Variants in GTF2A1L observed in about 807,000 individuals in gnomAD.
GTF2A1L encodes TFIIA-alpha and beta-like factor.
Under a neutral mutation model 49.7 loss-of-function variants are expected in GTF2A1L, and 48 were observed. That is an observed-to-expected ratio of 0.97 (90% CI 0.77 to 1.23). The LOEUF (loss-of-function observed/expected upper bound fraction) is 1.23. Among genes scored for constraint, GTF2A1L ranks in the 50% most tolerant of loss-of-function variants. The pLI is 0.00. For synonymous variants in GTF2A1L, 246 were observed against 193.5 expected (o/e 1.27, Z -2.25); for missense variants, 736 against 564.8 (o/e 1.30, Z -3.07).
At chr2:48,643,229 C>T (rs138858674) in intron 4 of GTF2A1L, among the ~76,000 whole-genome samples, 1 of 152,068 alleles carries the variant, frequency 6.6e-6, no homozygotes, top group African/African-American at 2.4e-5. Context: ...ATATTTTCCC[C>T]CTTAGTACTT....
intron 3 of GTF2A1L, among the ~76,000 whole-genome samples, chr2:48,641,665 T>C (rs562898974): frequency 6.6e-6 from 1 of 151,222 alleles, no homozygotes; most frequent in South Asian, 2.1e-4. Context: ...ACTGTAGTTA[T>C]TATTTTTTCT....
chr2:48,679,463 C>T lies in GTF2A1L; in HGVS notation c.*21C>T, dbSNP rs758935433. ...GGTAAACCTTGTGAGCTCAGTACAT[C>T]TATTTTGTGAACATCAGTTGGATTA... On this transcript the variant is annotated 3_prime_UTR_variant, in exon 9 of 9. Transcript: ENST00000403751. The T allele has an allele frequency of 3.7e-6, 6 of 1,610,466 alleles. No individual in the cohort carries two copies. The highest frequency in any genetic ancestry group is 5.1e-6 in the Non-Finnish European group (6 of 1,178,306).
At chr2:48,642,930 G>A (rs181325620) in intron 4 of GTF2A1L, among the ~76,000 whole-genome samples, 5 of 151,948 alleles carry the variant, frequency 3.3e-5, no homozygotes, top group Admixed American at 2.6e-4. Flanking sequence ...GTAATAAAAC[G>A]CAGAAGTTCC....
chr2:48,674,485 C>T (rs1679355956), intron 8 of GTF2A1L, among the ~76,000 whole-genome samples: 3 of 151,976 alleles, frequency 2.0e-5, no homozygotes, highest in African/African-American at 4.8e-5. Flanking sequence ...ACTTTCTCCA[C>T]TATAACATTT....
At chr2:48,677,585 C>T (rs1168835632) in intron 8 of GTF2A1L, among the ~76,000 whole-genome samples, 1 of 151,886 alleles carries the variant, frequency 6.6e-6, no homozygotes, top group African/African-American at 2.4e-5. Context: ...AGAGTTTCGA[C>T]AAGAGAAATG....
At chr2:48,661,313 T>C (rs1678487941) in intron 6 of GTF2A1L, among the ~76,000 whole-genome samples, 1 of 126,258 alleles carries the variant, frequency 7.9e-6, no homozygotes, top group African/African-American at 3.0e-5. Context: ...TGGAGTAGAG[T>C]GGCACAATCT....
intron 6 of GTF2A1L, among the ~76,000 whole-genome samples, chr2:48,657,804 G>A (rs1254960211): frequency 1.3e-5 from 2 of 150,904 alleles, no homozygotes; most frequent in Non-Finnish European, 2.9e-5. Flanking sequence ...ATTCTGACTT[G>A]TGTGAGATGA....
chr2:48,677,293 T>C (rs995931136), intron 8 of GTF2A1L, among the ~76,000 whole-genome samples: 1 of 151,992 alleles, frequency 6.6e-6, no homozygotes, highest in African/African-American at 2.4e-5. Flanking sequence ...GTTATTTTAA[T>C]GATGCTGGGG....
intron 3 of GTF2A1L, among the ~76,000 whole-genome samples, chr2:48,638,161 G>A (rs1211240916): frequency 6.6e-6 from 1 of 152,246 alleles, no homozygotes; most frequent in African/African-American, 2.4e-5. Context: ...ACGAAGAAGA[G>A]CTGCTACTAT....
Position 48,645,106 on chromosome 2 carries a change from A to G in GTF2A1L, c.377A>G (p.Gln126Arg), listed in dbSNP as rs1270323916. 4 of 1,609,884 alleles carry G rather than the reference A, an allele frequency of 2.5e-6. No homozygotes were observed. The Admixed American group carries it at 5.1e-5, about 20-fold the overall frequency. Residue 126 changes from glutamine to arginine, a missense_variant, in exon 5 of 9, where the codon CAG becomes CGG. Physicochemically the swap from Gln to Arg is conservative, Grantham distance 43. Transcript: ENST00000403751. ...PIHVPAGVTL[Q>R]TVSGHLYKVN... is the part of the protein sequence containing the mutation. Reference sequence around the variant, plus strand: ...CATGTACCAGCAGGTGTGACACTACAGACTGTATCTGGTGAGAGTATATTC... The same window carrying G: ...CATGTACCAGCAGGTGTGACACTACGGACTGTATCTGGTGAGAGTATATTC...
intron 6 of GTF2A1L, among the ~76,000 whole-genome samples, chr2:48,652,968 G>A (rs1381548025): frequency 4.0e-5 from 6 of 151,824 alleles, no homozygotes; most frequent in African/African-American, 1.2e-4. Flanking sequence ...GGTGGCTCAC[G>A]CCTGTAATCC....
intron 3 of GTF2A1L, among the ~76,000 whole-genome samples, chr2:48,622,748 C>T (rs1361773929): frequency 1.3e-5 from 2 of 151,162 alleles, no homozygotes; most frequent in Non-Finnish European, 2.9e-5. Context: ...GCAGGATAAT[C>T]ACTTGAACTT....
At chr2:48,618,886 A>G (rs1273626559) in intron 1 of GTF2A1L, among the ~76,000 whole-genome samples, 1 of 152,134 alleles carries the variant, frequency 6.6e-6, no homozygotes. Flanking sequence ...TTTCTGAAAA[A>G]CTGTGTTCTA....
In GTF2A1L at chr2:48,645,196, TAAAC is replaced by T. The variant is rs138273290; in HGVS notation, c.388+80_388+83del. On this transcript the variant is annotated intron_variant, in intron 5 of 8. Coordinates refer to ENST00000403751, the MANE Select transcript of GTF2A1L (RefSeq NM_006872.5). ...GACATTAAGCTTCATGATTTTTAAA[TAAAC>T]TATATACCAGAAGTTATAAGAACTT... The T allele has an allele frequency of 2.4e-6, 3 of 1,241,114 alleles. No individual in the cohort carries two copies. The African/African-American group carries it at 4.6e-5, about 19-fold the overall frequency. The allele number at this position is 1,241,114 out of a possible 1,614,324, so 76.9% of individuals were successfully genotyped here. A position where few individuals can be genotyped will look rare whatever the true frequency, so the allele number is the denominator to read the frequency against.
intron 3 of GTF2A1L, among the ~76,000 whole-genome samples, chr2:48,625,202 C>G (rs540536771): frequency 6.9e-6 from 1 of 144,038 alleles, no homozygotes; most frequent in African/African-American, 2.5e-5. Flanking sequence ...TTCCTTTCCT[C>G]TGTACTCTCA....
intron 6 of GTF2A1L, among the ~76,000 whole-genome samples, chr2:48,655,144 A>C (rs1678100595): frequency 6.6e-6 from 1 of 151,366 alleles, no homozygotes; most frequent in South Asian, 2.1e-4. Context: ...TTTTTTTTTT[A>C]ATTTAGGTTT....
At chr2:48,648,381 C>T (rs1225072151) in intron 6 of GTF2A1L, among the ~76,000 whole-genome samples, 1 of 151,952 alleles carries the variant, frequency 6.6e-6, no homozygotes, top group Non-Finnish European at 1.5e-5. Flanking sequence ...TACCTGGATT[C>T]TGTGTGAATT....
chr2:48,651,355 G>A (rs777058607), intron 6 of GTF2A1L, among the ~76,000 whole-genome samples: 1 of 151,614 alleles, frequency 6.6e-6, no homozygotes, highest in African/African-American at 2.4e-5. Context: ...AAAAATACCA[G>A]TGTTTCTTAG....
chr2:48,664,224 C>T (rs958200275), intron 6 of GTF2A1L, among the ~76,000 whole-genome samples: 3 of 151,794 alleles, frequency 2.0e-5, no homozygotes, highest in African/African-American at 4.8e-5. Flanking sequence ...GGAAAGCATT[C>T]TATCTTTCAC....
Sources: allele counts gnomAD v4.1 joint callset (sites outside exome capture counted in the v4.1 genomes callset), GRCh38; gene constraint gnomAD v4.1.1; transcripts MANE v1.5; gene names NCBI Gene and HGNC (gene_info 2026-07-23, HGNC 2026-07-21).